NT5C1B: variants seen among roughly 807,000 people sequenced by gnomAD.
The protein encoded by NT5C1B is cytosolic 5'-nucleotidase 1B.
NT5C1B carries 44 observed loss-of-function variants against 57.8 expected under a neutral mutation model. The ratio of observed to expected loss-of-function variants is 0.76; its 90% CI spans 0.60 to 0.98. NT5C1B has a LOEUF of 0.98. Ranked by LOEUF, NT5C1B falls within the 50% of genes least tolerant of loss-of-function variation. The pLI is 0.00. For synonymous variants in NT5C1B, 284 were observed against 282.6 expected, an observed-to-expected ratio of 1.00 and a Z score of -0.05; for missense variants, 742 against 719.5, an observed-to-expected ratio of 1.03 and a Z score of -0.36.
At chr2:18,563,956 T>C in exon 9 of NT5C1B, 1 of 1,614,176 alleles carries the variant, frequency 6.2e-7, no homozygotes, top group Non-Finnish European at 8.5e-7. Flanking sequence ...TTCGTCTATC[T>C]CTAGACCCCA....
chr2:18,587,381 G>A, intron 2 of NT5C1B, 122 bp downstream of exon 2: 4 of 1,516,356 alleles, frequency 2.6e-6, no homozygotes, highest in East Asian at 2.3e-5. Flanking sequence ...AGGACATTAG[G>A]GACGCCTTAA....
At chr2:18,576,942 A>G (rs1665738697) in intron 6 of NT5C1B, 47 bp from the exon 7 acceptor site, 1 of 1,607,608 alleles carries the variant, frequency 6.2e-7, no homozygotes, top group Non-Finnish European at 8.5e-7. Flanking sequence ...ATTAAAGACA[A>G]AATGCCGTAA....
chr2:18,562,930 G>C (rs981261134), exon 9 of NT5C1B: 3 of 152,076 alleles, frequency 2.0e-5, no homozygotes, highest in African/African-American at 7.2e-5. Context: ...AAATAACCAG[G>C]TCACTGTGCC....
intron 8 of NT5C1B, among the ~76,000 whole-genome samples, chr2:18,571,718 G>GTGTGTGTGTATATA (rs1246189018): frequency 1.8e-5 from 2 of 111,440 alleles, no homozygotes; most frequent in African/African-American, 6.4e-5. Flanking sequence ...CTGTGTGTGT[G>GTGTGTGTGTATATA]TATATATATA....
At chr2:18,575,746 G>T (rs1378899134) in intron 8 of NT5C1B, among the ~76,000 whole-genome samples, 1 of 152,108 alleles carries the variant, frequency 6.6e-6, no homozygotes, top group South Asian at 2.1e-4. Flanking sequence ...GTTCTTAGTT[G>T]TGCATATTTT....
intron 5 of NT5C1B, chr2:18,583,336 C>T (rs766054098): frequency 2.2e-5 from 4 of 182,358 alleles, no homozygotes; most frequent in Admixed American, 5.5e-5. Context: ...CTGCTTTTAT[C>T]GATCATCTAA....
chr2:18,570,148 T>G (rs892535478), intron 8 of NT5C1B, among the ~76,000 whole-genome samples: 4 of 151,908 alleles, frequency 2.6e-5, no homozygotes, highest in Non-Finnish European at 4.4e-5. Flanking sequence ...AAAATATATT[T>G]TGAATTAAAT....
At chr2:18,570,790 C>T (rs1665080193) in intron 8 of NT5C1B, among the ~76,000 whole-genome samples, 1 of 152,018 alleles carries the variant, frequency 6.6e-6, no homozygotes, top group Non-Finnish European at 1.5e-5. Flanking sequence ...ATAAATAATA[C>T]AAAATATTAA....
chr2:18,584,273 A>G lies in NT5C1B; in HGVS notation c.724-18T>C. 1 of 1,610,538 alleles carries G rather than the reference A, an allele frequency of 6.2e-7. No homozygotes were observed. The highest frequency in any genetic ancestry group is 8.5e-7 in the Non-Finnish European group (1 of 1,177,718). On this transcript the variant is annotated intron_variant, in intron 4 of 8. Transcript: ENST00000304081. This position sits in a 1 kb window ranked among gnomAD's most constrained non-coding sequence, Gnocchi z 5.8. The stretch of plus-strand genomic sequence containing the variant: ...GGTTTGGGCTGCAGAGAGGGACGCC[A>G]AAGGGAGGATAGTCACATAGCCACG...
At chr2:18,575,084 C>T (rs995033069) in intron 8 of NT5C1B, among the ~76,000 whole-genome samples, 8 of 151,952 alleles carry the variant, frequency 5.3e-5, no homozygotes, top group Non-Finnish European at 1.0e-4. Context: ...ACTACTTTAA[C>T]ATTTGTCTGG....
Position 18,584,802 on chromosome 2 carries a change from G to A in NT5C1B, c.435C>T (p.Arg145=), listed in dbSNP as rs760520328. The change falls in exon 4 of 9, where the codon CGC becomes CGT. Residue 145 remains arginine (R), a synonymous_variant. Transcript: ENST00000304081. The surrounding 1 kb of genome is among the most constrained non-coding windows in gnomAD (Gnocchi z 5.8). ...CCGGATTCTCTTGCATTTTGGTGCT[G>A]CGCCGGGAGCCAGGATCGGGCTCTG... 3.7e-6 allele frequency: 6 copies of A among 1,613,132 alleles called. No homozygotes were observed. The highest frequency in any genetic ancestry group is 5.1e-6 in the Non-Finnish European group (6 of 1,179,754).
At position 18,584,139 on chromosome 2, in the gene NT5C1B, G is replaced by C. The variant is rs1666443332; in HGVS notation, c.840C>G (p.Leu280=). 2 of 1,614,164 alleles carry C rather than the reference G, an allele frequency of 1.2e-6. No individual in the cohort carries two copies. The highest frequency in any genetic ancestry group is 3.3e-4 in the Middle Eastern group (2 of 6,060). The change falls in exon 5 of 9, where the codon CTC becomes CTG. Residue 280 remains leucine, a synonymous_variant. Transcript: ENST00000304081. The surrounding 1 kb of genome is among the most constrained non-coding windows in gnomAD (Gnocchi z 5.8). ...GGGTCAGGATGACGTTCTCATTGGT[G>C]AGCTGATACTCCATGTACTTTTCCA... is the stretch of plus-strand genomic sequence containing the variant.
rs780814671 is a variant in NT5C1B at position 18,584,208 on chromosome 2, G to T, written c.771C>A (p.Leu257=). The change falls in exon 5 of 9, where the codon CTC becomes CTA. Residue 257 remains leucine, a synonymous_variant. Transcript: ENST00000304081. The surrounding 1 kb of genome is among the most constrained non-coding windows in gnomAD (Gnocchi z 5.8). ...TTTTCCTGCCGTCCACCATGTTGAA[G>T]AGCGCGCAGGATGAGAGAGCAATGG... The T allele has an allele frequency of 6.2e-7, 1 of 1,614,174 alleles. No individual in the cohort carries two copies. The highest frequency in any genetic ancestry group is 8.5e-7 in the Non-Finnish European group (1 of 1,180,038).
At chr2:18,574,747 C>T (rs911558269) in intron 8 of NT5C1B, among the ~76,000 whole-genome samples, 6 of 151,940 alleles carry the variant, frequency 3.9e-5, no homozygotes, top group East Asian at 3.8e-4. Flanking sequence ...TACAATGTAG[C>T]GCCTATAGTT....
intron 6 of NT5C1B, among the ~76,000 whole-genome samples, chr2:18,582,121 A>T: frequency 6.6e-6 from 1 of 152,208 alleles, no homozygotes; most frequent in East Asian, 1.9e-4. Context: ...TTACTTCATA[A>T]CACTATGAAG....
At chr2:18,576,692 A>C in intron 7 of NT5C1B, 81 bp downstream of exon 7, 1 of 1,580,294 alleles carries the variant, frequency 6.3e-7, no homozygotes, top group African/African-American at 1.4e-5. Flanking sequence ...CATAAGCCTC[A>C]TAATCATATG....
At chr2:18,563,926 G>A in exon 9 of NT5C1B, 2 of 1,614,182 alleles carry the variant, frequency 1.2e-6, no homozygotes, top group African/African-American at 1.3e-5. Context: ...ACTTTTGGGG[G>A]CTCCAGCAAG....
At chr2:18,577,356 A>G (rs888209415) in intron 6 of NT5C1B, among the ~76,000 whole-genome samples, 1 of 143,888 alleles carries the variant, frequency 6.9e-6, no homozygotes, top group African/African-American at 2.6e-5. Flanking sequence ...GTAAAGGTCT[A>G]TTAAGATGTG....
chr2:18,568,490 G>C (rs566107814), intron 8 of NT5C1B, among the ~76,000 whole-genome samples: 15 of 152,156 alleles, frequency 9.9e-5, no homozygotes, highest in Non-Finnish European at 2.1e-4. Flanking sequence ...AGAAAAACCT[G>C]ATCTACACAA....
Sources: allele counts gnomAD v4.1 joint callset (sites outside exome capture counted in the v4.1 genomes callset), GRCh38; gene constraint gnomAD v4.1.1; non-coding constraint Gnocchi (gnomAD v3.1); transcripts MANE v1.5; gene names NCBI Gene and HGNC (gene_info 2026-07-23, HGNC 2026-07-21).